DSTYK: variants seen among roughly 807,000 people sequenced by gnomAD.
DSTYK encodes RIP-homologous kinase.
Under a neutral mutation model 98.7 loss-of-function variants are expected in DSTYK, and 34 were observed. The ratio of observed to expected loss-of-function variants is 0.34; its 90% CI spans 0.26 to 0.46. The LOEUF is 0.46. Among genes scored for constraint, DSTYK ranks in the 20% least tolerant of loss-of-function variants. The pLI is 1.00. For synonymous variants in DSTYK, 462 were observed against 457.3 expected, an observed-to-expected ratio of 1.01 and a Z score of -0.13; for missense variants, 962 against 1,181.7, an observed-to-expected ratio of 0.81 and a Z score of 2.73.
intron 2 of DSTYK, among the ~76,000 whole-genome samples, chr1:205,184,171 C>T (rs1164242191): frequency 6.6e-6 from 1 of 152,040 alleles, no homozygotes; most frequent in Non-Finnish European, 1.5e-5. Context: ...TGGGAAGACA[C>T]ATGCTCAGAT....
chr1:205,179,913 T>C (rs1277673870), intron 2 of DSTYK, among the ~76,000 whole-genome samples: 1 of 151,982 alleles, frequency 6.6e-6, no homozygotes, highest in Non-Finnish European at 1.5e-5. Flanking sequence ...CAAACAAATA[T>C]GTGAGATAGT....
Position 205,169,630 on chromosome 1 carries a change from GA to G in DSTYK, c.856del (p.Ser286ArgfsTer3). 1 of 1,614,154 alleles carries G rather than the reference GA, an allele frequency of 6.2e-7. No individual in the cohort carries two copies. The highest frequency in any genetic ancestry group is 2.2e-5 in the East Asian group (1 of 44,878). On this transcript the variant is annotated frameshift_variant, in exon 3 of 13. Coordinates refer to ENST00000367162, the MANE Select transcript of DSTYK (RefSeq NM_015375.3). LOFTEE classifies it high-confidence loss of function. The surrounding 1 kb of genome is among the most constrained non-coding windows in gnomAD (Gnocchi z 4.0). ...VFFFKVPKLGSEIIDSSTRRM... is the reference protein window; with the variant it reads ...VFFFKVPKLGXEIIDSSTRRM... ...CCTGGTTGAGGAGTCTATTATCTCCGAGCCCAGTTTCGGCACTTTGAAAAAG... is the reference window on the plus strand; with the variant it reads ...CCTGGTTGAGGAGTCTATTATCTCCGGCCCAGTTTCGGCACTTTGAAAAAG...
chr1:205,166,471 C>CCA lies in DSTYK; in HGVS notation c.1325-2517_1325-2516insTG, dbSNP rs760526007. ...GCAACACAGCAAGACCTCGTCTTTA[C>CCA]AAAAAAAAAAAAAAATCTGGCTCCA... is the stretch of plus-strand genomic sequence containing the variant. On this transcript the variant is annotated intron_variant, in intron 3 of 12. Transcript: ENST00000367162. Among the ~76,000 whole-genome samples, 475 of 131,236 alleles carry CCA rather than the reference C, an allele frequency of 3.6e-3. 2 individuals are homozygous for CCA. Among genetic ancestry groups the CCA allele is most frequent in the Middle Eastern group, 7.5e-3 (2 of 268 alleles). 86.1% of individuals were successfully genotyped at this position (131,236 alleles called of 152,430 possible).
intron 2 of DSTYK, among the ~76,000 whole-genome samples, chr1:205,175,004 G>A (rs145588614): frequency 7.3e-5 from 11 of 151,098 alleles, no homozygotes; most frequent in East Asian, 2.0e-4. Flanking sequence ...CCCAAAGTGC[G>A]GGGATTACAG....
intron 2 of DSTYK, among the ~76,000 whole-genome samples, chr1:205,184,928 G>A (rs1328456500): frequency 6.6e-6 from 1 of 152,190 alleles, no homozygotes; most frequent in Non-Finnish European, 1.5e-5. Context: ...GCCGGGTATG[G>A]TGGCTCATGC....
intron 9 of DSTYK, among the ~76,000 whole-genome samples, chr1:205,158,975 A>G (rs1357709116): frequency 6.6e-6 from 1 of 152,218 alleles, no homozygotes; most frequent in Non-Finnish European, 1.5e-5. Context: ...AGGAAGCTAT[A>G]CTGCTCTTCT....
At chr1:205,171,733 C>A (rs1411187717) in intron 2 of DSTYK, among the ~76,000 whole-genome samples, 1 of 152,196 alleles carries the variant, frequency 6.6e-6, no homozygotes, top group African/African-American at 2.4e-5. Flanking sequence ...GGTACACAGA[C>A]TCCTGATGTC....
chr1:205,169,590 T>C lies in DSTYK; in HGVS notation c.897A>G (p.Glu299=). The stretch of plus-strand genomic sequence containing the variant: ...TTAGCTGGCGATAAAGCGGTGATCT[T>C]TCGCTCTCCATTCTCCTGGTTGAGG... ...IDSSTRRMES[E]RSPLYRQLID... The change falls in exon 3 of 13, where the codon GAA becomes GAG. Residue 299 remains glutamate (E), a synonymous_variant. Transcript: ENST00000367162. This position sits in a 1 kb window ranked among gnomAD's most constrained non-coding sequence, Gnocchi z 4.0. 2.5e-6 allele frequency: 4 copies of C among 1,614,194 alleles called. No homozygotes were observed. Among genetic ancestry groups the C allele is most frequent in the Non-Finnish European group, 3.4e-6 (4 of 1,180,008 alleles).
At chr1:205,163,605 C>G (rs1033362211) in intron 4 of DSTYK, 118 bp downstream of exon 4, 1 of 869,468 alleles carries the variant, frequency 1.2e-6, no homozygotes, top group African/African-American at 1.7e-5. Context: ...AAATAAAATT[C>G]AAACAAGATT....
intron 1 of DSTYK, among the ~76,000 whole-genome samples, chr1:205,200,991 C>T (rs1159872771): frequency 1.3e-5 from 2 of 151,932 alleles, no homozygotes; most frequent in East Asian, 1.9e-4. Flanking sequence ...CTGCAACCTC[C>T]GCCTCCCAGG....
At chr1:205,184,735 C>A (rs75858557) in intron 2 of DSTYK, among the ~76,000 whole-genome samples, 1 of 152,148 alleles carries the variant, frequency 6.6e-6, no homozygotes, top group African/African-American at 2.4e-5. Flanking sequence ...ATCCCCCAAC[C>A]CCAGCCTTTC....
At chr1:205,154,012 C>T (rs1255981235) in intron 10 of DSTYK, among the ~76,000 whole-genome samples, 1 of 149,252 alleles carries the variant, frequency 6.7e-6, no homozygotes, top group Non-Finnish European at 1.5e-5. Flanking sequence ...CTGTGCCTGG[C>T]CTTGTAACTT....
Position 205,168,548 on chromosome 1 carries a change from T to C in DSTYK, c.1324+615A>G, listed in dbSNP as rs77150571. On this transcript the variant is annotated intron_variant, in intron 3 of 12. Transcript: ENST00000367162. ...CACAACTGAGACTCTAAAGGGTAAC[T>C]TGCAAACCATGTCATTTTAATCTTG... Among the ~76,000 whole-genome samples, 749 of 152,314 alleles carry C rather than the reference T, an allele frequency of 4.9e-3. 4 individuals carry two copies. The highest frequency in any genetic ancestry group is 0.017 in the African/African-American group (725 of 41,566).
intron 2 of DSTYK, among the ~76,000 whole-genome samples, chr1:205,171,071 G>T (rs924935018): frequency 6.6e-5 from 10 of 151,334 alleles, no homozygotes; most frequent in African/African-American, 1.7e-4. Flanking sequence ...TAAGTTCCTG[G>T]TTTTTTTGTG....
At chr1:205,191,658 C>T (rs950440752) in intron 1 of DSTYK, among the ~76,000 whole-genome samples, 1 of 151,880 alleles carries the variant, frequency 6.6e-6, no homozygotes, top group Non-Finnish European at 1.5e-5. Context: ...CGCAAGTGCC[C>T]CTTGGACCAC....
intron 1 of DSTYK, among the ~76,000 whole-genome samples, chr1:205,198,193 CA>C (rs533462760): frequency 4.7e-5 from 7 of 147,678 alleles, no homozygotes; most frequent in Non-Finnish European, 7.4e-5. Context: ...AACTCCGTCT[CA>C]AAAAAAAAAG....
At chr1:205,180,283 GC>G (rs1299884181) in intron 2 of DSTYK, among the ~76,000 whole-genome samples, 3 of 150,126 alleles carry the variant, frequency 2.0e-5, no homozygotes, top group Non-Finnish European at 4.4e-5. Context: ...CCCCCGACAG[GC>G]CCCCGTGTGT....
chr1:205,166,128 A>C (rs1476317829), intron 3 of DSTYK, among the ~76,000 whole-genome samples: 1 of 152,204 alleles, frequency 6.6e-6, no homozygotes, highest in Non-Finnish European at 1.5e-5. Flanking sequence ...GAAGAAGACA[A>C]ATTTGTATGA....
chr1:205,149,190 C>T (rs1220028123), intron 11 of DSTYK, among the ~76,000 whole-genome samples: 3 of 151,582 alleles, frequency 2.0e-5, no homozygotes, highest in Admixed American at 6.6e-5. Context: ...CATGAGCCAC[C>T]GCACCTGGCC....
Sources: allele counts gnomAD v4.1 joint callset (sites outside exome capture counted in the v4.1 genomes callset), GRCh38; gene constraint gnomAD v4.1.1; non-coding constraint Gnocchi (gnomAD v3.1); transcripts MANE v1.5; gene names NCBI Gene and HGNC (gene_info 2026-07-23, HGNC 2026-07-21).